The following ARMH1 variants were observed in gnomAD, a reference collection of about 807,000 sequenced individuals.
The protein encoded by ARMH1 is armadillo-like helical domain containing protein 1.
ARMH1 carries 34 observed loss-of-function variants against 50.2 expected under a neutral mutation model. The observed-to-expected ratio is 0.68, with a 90% CI of 0.51 to 0.90. ARMH1 has a LOEUF of 0.90. Ranked by LOEUF, ARMH1 falls within the 40% of genes least tolerant of loss-of-function variation. The probability of loss-of-function intolerance (pLI) is 0.00; values close to 1 mark genes in which losing one functional copy is unlikely to be tolerated. For missense variants in ARMH1, 538 were observed against 553.9 expected (o/e 0.97, Z 0.29); for synonymous variants, 221 against 224.2 (o/e 0.99, Z 0.13).
rs187971610 is a variant in ARMH1 at position 44,705,839 on chromosome 1, G to A, written c.724+1666G>A. On this transcript the variant is annotated intron_variant, in intron 6 of 11. Coordinates refer to ENST00000535358, the MANE Select transcript of ARMH1 (RefSeq NM_001145636.2). ...AGATTAAGGAAGGGTTCACCGAGAC[G>A]GTGGTGTTTGAACTGAGCCGTGGAG... is the stretch of plus-strand genomic sequence containing the variant. Among the ~76,000 whole-genome samples the A allele has an allele frequency of 9.2e-5, 14 of 152,288 alleles. No individual in the cohort carries two copies. The East Asian group carries it at 2.3e-3, about 25-fold the overall frequency.
chr1:44,708,051 G>A (rs1255325953), intron 6 of ARMH1, among the ~76,000 whole-genome samples: 1 of 152,184 alleles, frequency 6.6e-6, no homozygotes, highest in Admixed American at 6.5e-5. Flanking sequence ...TAGAGAATGC[G>A]TATGCAATGA....
Position 44,704,300 on chromosome 1 carries a change from C to G in ARMH1, c.724+127C>G, listed in dbSNP as rs1646237357. The G allele has an allele frequency of 4.1e-6, 3 of 734,394 alleles. No homozygotes were observed. In the South Asian group the frequency reaches 4.7e-5, roughly 11 times the overall value. The allele number at this position is 734,394 out of a possible 1,614,324, so 45.5% of individuals were successfully genotyped here. On this transcript the variant is annotated intron_variant, in intron 6 of 11. Transcript: ENST00000535358. ...AGACAGCCTTGGCAGATGGAAGATG[C>G]TGGTTCAGAAAATGTCAGTCACACC...
chr1:44,684,116 C>T (rs753213283), intron 1 of ARMH1, among the ~76,000 whole-genome samples: 1 of 152,198 alleles, frequency 6.6e-6, no homozygotes, highest in Non-Finnish European at 1.5e-5. Context: ...CTTCTGCCTT[C>T]ACCAGGAAAC....
chr1:44,699,625 AT>A (rs750361900), intron 4 of ARMH1, among the ~76,000 whole-genome samples: 3 of 151,502 alleles, frequency 2.0e-5, no homozygotes, highest in Non-Finnish European at 2.9e-5. Flanking sequence ...AATTTTTGTT[AT>A]TTTTAGTAGA....
At position 44,683,470 on chromosome 1, in the gene ARMH1, CG is replaced by C. The variant is rs1645375420; in HGVS notation, c.-22-6203del. ...CAAAGCATGAGAAGAGAACTAAGAA[CG>C]GGAAAACGACCTGCAAAGGCACTAT... On this transcript the variant is annotated intron_variant, in intron 1 of 11. Coordinates refer to ENST00000535358, the MANE Select transcript of ARMH1 (RefSeq NM_001145636.2). The surrounding 1 kb of genome is among the most constrained non-coding windows in gnomAD (Gnocchi z 4.2). Among the ~76,000 whole-genome samples, 1 of 152,138 alleles carries C rather than the reference CG, an allele frequency of 6.6e-6. No homozygotes were observed. Among genetic ancestry groups the C allele is most frequent in the Non-Finnish European group, 1.5e-5 (1 of 68,030 alleles).
intron 1 of ARMH1, among the ~76,000 whole-genome samples, chr1:44,679,291 T>C (rs1172710972): frequency 6.6e-6 from 1 of 152,258 alleles, no homozygotes; most frequent in African/African-American, 2.4e-5. Flanking sequence ...ATTCCATGTG[T>C]GCTCCAGTTC....
intron 1 of ARMH1, among the ~76,000 whole-genome samples, chr1:44,684,021 G>GAA (rs113214051): frequency 2.0e-5 from 3 of 151,428 alleles, no homozygotes; most frequent in African/African-American, 7.3e-5. Context: ...GAGAGAGAGA[G>GAA]TGTGTGAGTG....
Position 44,700,911 on chromosome 1 carries a change from T to C in ARMH1, c.443-12T>C, listed in dbSNP as rs1646054841. 2.0e-6 allele frequency: 3 copies of C among 1,530,276 alleles called. No individual in the cohort carries two copies. Among genetic ancestry groups the C allele is most frequent in the Middle Eastern group, 1.7e-4 (1 of 5,886 alleles). The allele number at this position is 1,530,276 out of a possible 1,614,324, so 94.8% of individuals were successfully genotyped here. On this transcript the variant is annotated splice_polypyrimidine_tract_variant and intron_variant, in intron 4 of 11. Coordinates refer to ENST00000535358, the MANE Select transcript of ARMH1 (RefSeq NM_001145636.2). ...CCCTTCCAATTTAGCATTTCCTCTC[T>C]TCTTTGCTCAGGTGTACGATCCATA...
At chr1:44,680,783 CTG>C (rs997362538) in intron 1 of ARMH1, among the ~76,000 whole-genome samples, 2 of 152,146 alleles carry the variant, frequency 1.3e-5, no homozygotes, top group Non-Finnish European at 2.9e-5. Context: ...CCTATATTCT[CTG>C]TGAAGTTGGA....
At chr1:44,679,977 C>G (rs1383301105) in intron 1 of ARMH1, among the ~76,000 whole-genome samples, 1 of 152,206 alleles carries the variant, frequency 6.6e-6, no homozygotes, top group East Asian at 1.9e-4. Context: ...GAAGAGGTGG[C>G]ATGGATGGGA....
rs143884786 is a variant in ARMH1 at position 44,701,213 on chromosome 1, C to T, written c.639+94C>T. 2,576 of 1,235,764 alleles carry T rather than the reference C, an allele frequency of 2.1e-3. 6 individuals are homozygous for T. Among genetic ancestry groups the T allele is most frequent in the East Asian group, 5.7e-3 (220 of 38,804 alleles). 76.5% of individuals were successfully genotyped at this position (1,235,764 alleles called of 1,614,324 possible). A position where few individuals can be genotyped will look rare whatever the true frequency, so the allele number is the denominator to read the frequency against. The stretch of plus-strand genomic sequence containing the variant: ...TTGCTCTCCACACAGGCATGAGAAA[C>T]GGAGCTCAGCCTCCCACTGCATGTC... On this transcript the variant is annotated intron_variant, in intron 5 of 11. Transcript: ENST00000535358.
At chr1:44,710,009 T>C (rs1328413587) in intron 6 of ARMH1, among the ~76,000 whole-genome samples, 1 of 152,158 alleles carries the variant, frequency 6.6e-6, no homozygotes, top group Non-Finnish European at 1.5e-5. Flanking sequence ...ATTTCATATA[T>C]TAATAGCGAA....
At position 44,724,454 on chromosome 1, in the gene ARMH1, C is replaced by A; in HGVS notation, c.920+62C>A. The A allele has an allele frequency of 6.5e-7, 1 of 1,529,806 alleles. No homozygotes were observed. Among genetic ancestry groups the A allele is most frequent in the Non-Finnish European group, 8.8e-7 (1 of 1,139,542 alleles). The allele number at this position is 1,529,806 out of a possible 1,614,324, so 94.8% of individuals were successfully genotyped here. On this transcript the variant is annotated intron_variant, in intron 8 of 11. Transcript: ENST00000535358. This position sits in a 1 kb window ranked among gnomAD's most constrained non-coding sequence, Gnocchi z 6.4. ...CCTGGCTTGGCGCTGCCGGCGGGCC[C>A]CGGGAGCGCTCCGTGCGCCGGGTGG...
intron 5 of ARMH1, among the ~76,000 whole-genome samples, chr1:44,702,643 C>T (rs1414007707): frequency 5.2e-5 from 7 of 134,792 alleles, no homozygotes; most frequent in African/African-American, 1.7e-4. Context: ...ATCCAGGAGG[C>T]GGAGGTTGCA....
intron 6 of ARMH1, among the ~76,000 whole-genome samples, chr1:44,709,489 G>C (rs148604895): frequency 6.6e-6 from 1 of 152,106 alleles, no homozygotes; most frequent in Non-Finnish European, 1.5e-5. Context: ...TGGCTAACAC[G>C]GTGAAACCCC....
intron 6 of ARMH1, among the ~76,000 whole-genome samples, chr1:44,716,401 G>C (rs1646852424): frequency 6.6e-6 from 1 of 152,180 alleles, no homozygotes; most frequent in East Asian, 1.9e-4. Context: ...ATGGAGGACA[G>C]AGTAGTGGAG....
rs542683910 is a variant in ARMH1, at chr1:44,697,761, A to C, written c.276-302A>C. Among the ~76,000 whole-genome samples, 9 of 152,210 alleles carry C rather than the reference A, an allele frequency of 5.9e-5. No homozygotes were observed. The Middle Eastern group carries it at 0.01, about 173-fold the overall frequency. ...GGGTGACATACCCTGTCACCTCCTC[A>C]CCCCACCAAAACTACATGGCCCATG... On this transcript the variant is annotated intron_variant, in intron 3 of 11. Coordinates refer to ENST00000535358, the MANE Select transcript of ARMH1 (RefSeq NM_001145636.2).
chr1:44,689,153 C>T (rs558157304), intron 1 of ARMH1: 130 of 154,516 alleles, frequency 8.4e-4, no homozygotes, highest in Middle Eastern at 3.3e-3. Context: ...AACCCGCCTC[C>T]CGGGTTCAAG....
intron 1 of ARMH1, among the ~76,000 whole-genome samples, chr1:44,678,699 C>T (rs1266908903): frequency 6.6e-6 from 1 of 152,066 alleles, no homozygotes; most frequent in East Asian, 1.9e-4. Flanking sequence ...CAGTGACTTG[C>T]TTGTTGTCTC....
Sources: gnomAD v4.1 joint callset for allele counts (sites outside exome capture counted in the v4.1 genomes callset) on GRCh38, gnomAD v4.1.1 for gene constraint, Gnocchi (gnomAD v3.1) non-coding constraint, MANE v1.5 for transcripts, NCBI Gene and HGNC (gene_info 2026-07-23, HGNC 2026-07-21) for gene names.